ZFHX3: variants seen among roughly 807,000 people sequenced by gnomAD.
ZFHX3 encodes zinc finger homeobox 3, also known as zinc finger homeobox protein 3.
Under a neutral mutation model 279.1 loss-of-function variants are expected in ZFHX3, and 42 were observed. That is an observed-to-expected ratio of 0.15 (90% CI 0.12 to 0.19). The LOEUF is 0.19. ZFHX3 is among the 10% of genes least tolerant of loss of function. The pLI is 1.00. For synonymous variants in ZFHX3, 2,293 were observed against 1,957.8 expected (o/e 1.17, Z -4.52); for missense variants, 4,981 against 4,754.0 (o/e 1.05, Z -1.40).
intron 4 of ZFHX3, among the ~76,000 whole-genome samples, chr16:72,886,041 C>T (rs1181643913): frequency 5.3e-5 from 8 of 152,170 alleles, no homozygotes; most frequent in Non-Finnish European, 1.5e-5. Flanking sequence ...CTCAATTCTA[C>T]CAGGTCCATA....
At chr16:73,658,491 C>G (rs2052745819) in intron 2 of ZFHX3, among the ~76,000 whole-genome samples, 3 of 152,098 alleles carry the variant, frequency 2.0e-5, no homozygotes, top group South Asian at 4.1e-4. Context: ...CTGATAGAGA[C>G]AGGTTTTCAC....
At chr16:73,153,293 T>C (rs1458425113) in intron 5 of ZFHX3, among the ~76,000 whole-genome samples, 2 of 152,220 alleles carry the variant, frequency 1.3e-5, no homozygotes, top group African/African-American at 4.8e-5. Context: ...GTTTATTTTA[T>C]GTTTTTAGAG....
chr16:73,170,222 A>ATTTTTTT (rs1323820575), intron 5 of ZFHX3, among the ~76,000 whole-genome samples: 1 of 36,834 alleles, frequency 2.7e-5, no homozygotes, highest in African/African-American at 1.1e-4. Context: ...TCCTTTCACT[A>ATTTTTTT]GTTTTTTTTT....
chr16:73,681,964 A>T (rs1206534551), intron 1 of ZFHX3, among the ~76,000 whole-genome samples: 4 of 152,248 alleles, frequency 2.6e-5, no homozygotes, highest in Admixed American at 2.6e-4. Context: ...ATAATGATAT[A>T]TACCTATCTA....
At chr16:72,920,597 G>C (rs2039560128) in intron 3 of ZFHX3, among the ~76,000 whole-genome samples, 1 of 152,022 alleles carries the variant, frequency 6.6e-6, no homozygotes, top group African/African-American at 2.4e-5. Flanking sequence ...TTGAACCCAG[G>C]AGGTGGAGGT....
chr16:73,026,693 A>AAAAAAAAAAAAAAAC (rs201116956), intron 1 of ZFHX3, among the ~76,000 whole-genome samples: 1 of 144,642 alleles, frequency 6.9e-6, no homozygotes, highest in Non-Finnish European at 1.5e-5. Context: ...AAAAAAAAAA[A>AAAAAAAAAAAAAAAC]AACACATAGT....
chr16:73,795,954 T>C (rs890363199), intron 1 of ZFHX3, among the ~76,000 whole-genome samples: 1 of 152,160 alleles, frequency 6.6e-6, no homozygotes, highest in African/African-American at 2.4e-5. Flanking sequence ...AATTGGCAAA[T>C]CCATAAGGTT....
Position 72,958,291 on chromosome 16 carries a change from G to A in ZFHX3, c.1855C>T (p.His619Tyr), listed in dbSNP as rs1307791324. 6.2e-7 allele frequency: 1 copy of A among 1,614,010 alleles called. No homozygotes were observed. Among genetic ancestry groups the A allele is most frequent in the Non-Finnish European group, 8.5e-7 (1 of 1,179,874 alleles). The change falls in exon 2 of 10, where the codon CAT becomes TAT. Residue 619 changes from histidine to tyrosine, a missense_variant. Physicochemically the swap from His to Tyr is moderately conservative, Grantham distance 83. Transcript: ENST00000268489. ...CAGAGGGAGCCAGCGTGCTGGTGATGGGGAACGAAGCCCCCATCGTCACCC... is the reference window on the plus strand; with the variant it reads ...CAGAGGGAGCCAGCGTGCTGGTGATAGGGAACGAAGCCCCCATCGTCACCC... ...TEGDDGGFVP[H>Y]HQHAGSLCEL...
intron 5 of ZFHX3, among the ~76,000 whole-genome samples, chr16:73,211,101 G>A (rs1477717552): frequency 6.6e-6 from 1 of 152,130 alleles, no homozygotes; most frequent in Non-Finnish European, 1.5e-5. Context: ...TCAGGACAAT[G>A]TCGTGGGTTG....
At chr16:73,485,413 A>C (rs1260069718) in intron 2 of ZFHX3, among the ~76,000 whole-genome samples, 1 of 121,474 alleles carries the variant, frequency 8.2e-6, no homozygotes, top group Non-Finnish European at 1.7e-5. Context: ...GGTAAATTTG[A>C]GGGTGAGGGA....
At chr16:73,372,099 C>G (rs2016641724) in intron 3 of ZFHX3, among the ~76,000 whole-genome samples, 2 of 152,224 alleles carry the variant, frequency 1.3e-5, no homozygotes, top group Non-Finnish European at 2.9e-5. Flanking sequence ...TTATACTCAG[C>G]AGTCTTCCCT....
At chr16:73,121,684 C>T (rs957246991) in intron 7 of ZFHX3, among the ~76,000 whole-genome samples, 2 of 149,876 alleles carry the variant, frequency 1.3e-5, no homozygotes, top group South Asian at 2.1e-4. Flanking sequence ...GGCTCGATCT[C>T]GGCTCACTGC....
intron 1 of ZFHX3, among the ~76,000 whole-genome samples, chr16:73,023,319 C>T (rs1045245711): frequency 2.0e-5 from 3 of 152,194 alleles, no homozygotes; most frequent in South Asian, 4.1e-4. Context: ...ACTGTGCAAC[C>T]TCCGCACAGA....
chr16:73,141,054 T>A (rs1216654627), intron 6 of ZFHX3, among the ~76,000 whole-genome samples: 6 of 152,164 alleles, frequency 3.9e-5, no homozygotes, highest in African/African-American at 1.2e-4. Context: ...ACACTCTACA[T>A]CTTGAGGTTT....
chr16:73,281,511 A>G (rs2014456955), intron 4 of ZFHX3, among the ~76,000 whole-genome samples: 1 of 152,216 alleles, frequency 6.6e-6, no homozygotes, highest in Non-Finnish European at 1.5e-5. Context: ...GTTGCAGCCT[A>G]GTGCCTATAG....
intron 2 of ZFHX3, among the ~76,000 whole-genome samples, chr16:73,564,485 A>C (rs1373720492): frequency 6.6e-6 from 1 of 152,194 alleles, no homozygotes; most frequent in East Asian, 1.9e-4. Context: ...TGTAAGTTCC[A>C]GCATCACTAC....
intron 1 of ZFHX3, among the ~76,000 whole-genome samples, chr16:73,753,226 C>T (rs1038870286): frequency 5.3e-5 from 8 of 152,086 alleles, no homozygotes; most frequent in Admixed American, 3.9e-4. Context: ...ACTTGTGTTC[C>T]GGTCGTAACT....
At chr16:73,308,097 T>G (rs1417021964) in intron 4 of ZFHX3, among the ~76,000 whole-genome samples, 7 of 151,802 alleles carry the variant, frequency 4.6e-5, no homozygotes, top group Admixed American at 4.6e-4. Flanking sequence ...TTACCGATCA[T>G]TTGATTTCTG....
intron 1 of ZFHX3, among the ~76,000 whole-genome samples, chr16:73,829,213 T>G (rs1451239072): frequency 3.2e-5 from 3 of 93,928 alleles, no homozygotes; most frequent in Admixed American, 3.0e-4. Context: ...CTGAGGCTTC[T>G]GCATTCTTCA....
Sources: allele counts gnomAD v4.1 joint callset (sites outside exome capture counted in the v4.1 genomes callset), GRCh38; gene constraint gnomAD v4.1.1; transcripts MANE v1.5; gene names NCBI Gene and HGNC (gene_info 2026-07-23, HGNC 2026-07-21).